The following RAD51B variants were observed in gnomAD, a reference collection of about 807,000 sequenced individuals.
The protein encoded by RAD51B is DNA repair protein RAD51 homolog 2.
Under a neutral mutation model 42.2 loss-of-function variants are expected in RAD51B, and 38 were observed. That is an observed-to-expected ratio of 0.90 (90% CI 0.70 to 1.18). RAD51B has a LOEUF of 1.18. RAD51B is among the 50% of genes most tolerant of loss of function. RAD51B has a pLI of 0.00. For synonymous variants in RAD51B, 154 were observed against 145.2 expected, an observed-to-expected ratio of 1.06 and a Z score of -0.43; for missense variants, 373 against 400.7, an observed-to-expected ratio of 0.93 and a Z score of 0.59.
At chr14:67,866,649 G>A (rs2042343612) in intron 5 of RAD51B, among the ~76,000 whole-genome samples, 2 of 152,208 alleles carry the variant, frequency 1.3e-5, no homozygotes, top group South Asian at 4.1e-4. Context: ...ACAGTTCAGA[G>A]CAGTGTAAAA....
chr14:67,990,338 A>G (rs1490125770), intron 7 of RAD51B, among the ~76,000 whole-genome samples: 1 of 152,230 alleles, frequency 6.6e-6, no homozygotes, highest in Admixed American at 6.5e-5. Flanking sequence ...CTAATGGGAT[A>G]GTCAGGCAAA....
chr14:68,398,105 G>A (rs1465478587), intron 8 of RAD51B, among the ~76,000 whole-genome samples: 2 of 152,218 alleles, frequency 1.3e-5, no homozygotes, highest in East Asian at 1.9e-4. Flanking sequence ...CCACCATGAC[G>A]TGCTCTCCAG....
At chr14:68,307,124 C>A (rs2081882745) in intron 8 of RAD51B, among the ~76,000 whole-genome samples, 1 of 151,916 alleles carries the variant, frequency 6.6e-6, no homozygotes, top group African/African-American at 2.4e-5. Context: ...TTCCTCCAGG[C>A]AGGTGCACAG....
At chr14:68,055,055 G>C (rs1453607139) in intron 7 of RAD51B, among the ~76,000 whole-genome samples, 1 of 152,128 alleles carries the variant, frequency 6.6e-6, no homozygotes, top group Non-Finnish European at 1.5e-5. Flanking sequence ...AACAGTTTGT[G>C]TTTTTCCACT....
At chr14:68,494,857 A>G (rs773489041) in intron 10 of RAD51B, among the ~76,000 whole-genome samples, 17 of 151,926 alleles carry the variant, frequency 1.1e-4, no homozygotes, top group Non-Finnish European at 2.5e-4. Context: ...GTGATAAGAG[A>G]TAGAAACAGG....
chr14:67,947,072 A>G (rs1252093182), intron 7 of RAD51B, among the ~76,000 whole-genome samples: 1 of 152,226 alleles, frequency 6.6e-6, no homozygotes, highest in African/African-American at 2.4e-5. Context: ...GGATTAGACC[A>G]TATAGTAAAT....
chr14:68,220,387 C>T (rs535217833), intron 7 of RAD51B, among the ~76,000 whole-genome samples: 95 of 152,224 alleles, frequency 6.2e-4, no homozygotes, highest in African/African-American at 2.2e-3. Flanking sequence ...TCAAGAGACA[C>T]AGAAAAAGCA....
At chr14:68,389,824 G>A (rs2083696032) in intron 8 of RAD51B, among the ~76,000 whole-genome samples, 2 of 152,198 alleles carry the variant, frequency 1.3e-5, no homozygotes, top group South Asian at 2.1e-4. Flanking sequence ...AATAAAGGTA[G>A]CGAACAAATG....
intron 7 of RAD51B, among the ~76,000 whole-genome samples, chr14:67,979,836 G>A (rs556787388): frequency 6.6e-6 from 1 of 152,244 alleles, no homozygotes; most frequent in African/African-American, 2.4e-5. Context: ...CATGATAGAT[G>A]TTAAATATAT....
chr14:68,364,158 AGT>A (rs1183754941), intron 8 of RAD51B, among the ~76,000 whole-genome samples: 3 of 151,874 alleles, frequency 2.0e-5, no homozygotes, highest in East Asian at 3.9e-4. Flanking sequence ...CGATTGCCCC[AGT>A]GTGTGTGTCC....
At chr14:68,018,346 A>T (rs2075810342) in intron 7 of RAD51B, among the ~76,000 whole-genome samples, 2 of 152,222 alleles carry the variant, frequency 1.3e-5, no homozygotes, top group African/African-American at 2.4e-5. Flanking sequence ...TTAAGATTTG[A>T]TGAAATAAAT....
At chr14:68,468,309 G>A (rs376268234) in intron 10 of RAD51B, 59 bp downstream of exon 10, 7 of 1,477,096 alleles carry the variant, frequency 4.7e-6, no homozygotes, top group Admixed American at 1.7e-5. Context: ...CCCATTGCTA[G>A]TGGTAATTAG....
intron 10 of RAD51B, among the ~76,000 whole-genome samples, chr14:68,483,621 G>T (rs756698683): frequency 1.3e-4 from 20 of 152,114 alleles, no homozygotes; most frequent in Non-Finnish European, 2.6e-4. Flanking sequence ...CCATTCTGCC[G>T]CTTGTTACCA....
At chr14:67,998,174 C>T (rs1398839897) in intron 7 of RAD51B, among the ~76,000 whole-genome samples, 4 of 152,162 alleles carry the variant, frequency 2.6e-5, no homozygotes, top group Admixed American at 1.3e-4. Flanking sequence ...TAACTTTTAA[C>T]CTTTTACCCC....
intron 10 of RAD51B, among the ~76,000 whole-genome samples, chr14:68,560,997 A>C (rs1009147926): frequency 4.5e-4 from 68 of 152,292 alleles, no homozygotes; most frequent in African/African-American, 1.6e-3. Flanking sequence ...GGGGCTCTGG[A>C]AGCCTTTTGC....
intron 4 of RAD51B, among the ~76,000 whole-genome samples, chr14:67,841,555 T>C (rs1189630670): frequency 6.6e-6 from 1 of 152,210 alleles, no homozygotes; most frequent in Non-Finnish European, 1.5e-5. Context: ...GGTTGGGTCT[T>C]AGATTTAAAT....
intron 7 of RAD51B, among the ~76,000 whole-genome samples, chr14:68,028,157 C>T (rs1310130891): frequency 6.6e-6 from 1 of 152,172 alleles, no homozygotes; most frequent in African/African-American, 2.4e-5. Flanking sequence ...GAGTAATGAT[C>T]AGTAGCTAGG....
chr14:68,614,420 T>G (rs1436408843), downstream of RAD51B, among the ~76,000 whole-genome samples: 1 of 152,186 alleles, frequency 6.6e-6, no homozygotes, highest in Admixed American at 6.5e-5. Flanking sequence ...TGATTTTTAG[T>G]ATATTCACAA....
downstream of RAD51B, among the ~76,000 whole-genome samples, chr14:68,616,220 C>T (rs1469353067): frequency 1.3e-5 from 2 of 152,062 alleles, no homozygotes; most frequent in African/African-American, 2.4e-5. Context: ...ATTTCTGGTG[C>T]TCTTCATTCT....
Sources: gnomAD v4.1 joint callset for allele counts (sites outside exome capture counted in the v4.1 genomes callset) on GRCh38, gnomAD v4.1.1 for gene constraint, MANE v1.5 for transcripts, NCBI Gene and HGNC (gene_info 2026-07-23, HGNC 2026-07-21) for gene names.